LAMB1: variants seen among roughly 807,000 people sequenced by gnomAD.
LAMB1 encodes the protein laminin subunit beta-1.
A neutral mutation model predicts 222.3 loss-of-function variants in LAMB1; 121 were observed. The observed-to-expected ratio is 0.54, with a 90% CI of 0.47 to 0.63. The LOEUF (loss-of-function observed/expected upper bound fraction) is 0.63. LAMB1 is among the 30% of genes least tolerant of loss of function. The pLI, the probability that LAMB1 is intolerant of heterozygous loss-of-function variation, is 0.00. For synonymous variants in LAMB1, 794 were observed against 807.2 expected, an observed-to-expected ratio of 0.98 and a Z score of 0.28; for missense variants, 2,172 against 2,240.8, an observed-to-expected ratio of 0.97 and a Z score of 0.62.
chr7:107,932,401 A>G lies in LAMB1; in HGVS notation c.4189-24T>C, dbSNP rs372692719. 13 of 1,611,866 alleles carry G rather than the reference A, an allele frequency of 8.1e-6. No individual in the cohort carries two copies. In the African/African-American group the frequency reaches 1.5e-4, roughly 18 times the overall value. On this transcript the variant is annotated intron_variant, in intron 27 of 33. Transcript: ENST00000222399. The stretch of plus-strand genomic sequence containing the variant: ...GTCTGCAACAAGCCAAGGATCAGGC[A>G]CAATACTTCGGATAGTGAATCTGCT...
chr7:108,002,993 GA>G, intron 1 of LAMB1, 22 bp from the exon 2 acceptor site: 3 of 1,563,016 alleles, frequency 1.9e-6, no homozygotes. Flanking sequence ...GAAAGGAGGG[GA>G]AAAAAGGCAA....
Position 107,969,465 on chromosome 7 carries a change from C to T in LAMB1, c.1562+3527G>A, listed in dbSNP as rs185229942. Among the ~76,000 whole-genome samples, 181 of 152,226 alleles carry T rather than the reference C, an allele frequency of 1.2e-3. 1 individual carries two copies. Among genetic ancestry groups the T allele is most frequent in the African/African-American group, 4.2e-3 (176 of 41,526 alleles). The stretch of plus-strand genomic sequence containing the variant: ...TTCATAATAACCAACCACAGTGTTC[C>T]GTCAGCACCATTCATTTTCTCAGGG... On this transcript the variant is annotated intron_variant, in intron 13 of 33. Transcript: ENST00000222399.
rs147622101 is a variant in LAMB1 at position 107,976,096 on chromosome 7, A to G, written c.1001-219T>C. On this transcript the variant is annotated intron_variant, in intron 9 of 33. Transcript: ENST00000222399. ...CAAAAATGTGAACTTTATAAAATAA[A>G]CAGTTATCTGACCTCTGTGGAAGAG... 3.7e-3 allele frequency among the ~76,000 whole-genome samples: 558 copies of G among 152,256 alleles called. 6 individuals are homozygous for G. Among genetic ancestry groups the G allele is most frequent in the African/African-American group, 0.012 (515 of 41,558 alleles).
At chr7:107,932,637 T>C in intron 27 of LAMB1, 1 of 520,258 alleles carries the variant, frequency 1.9e-6, no homozygotes. Context: ...CTATATGAGC[T>C]CTGCCCAGGA....
In LAMB1 at chr7:107,955,450, G is replaced by C. The variant is rs749572711; in HGVS notation, c.2854+17C>G. The C allele has an allele frequency of 9.4e-6, 15 of 1,595,956 alleles. No homozygotes were observed. The East Asian group carries it at 3.4e-4, about 36-fold the overall frequency. Reference sequence around the variant, plus strand: ...TTTTTCTCTCTCTTTGCCTCCCAAAGTATGCACACGACTTACCAATGTATC... The same window carrying C: ...TTTTTCTCTCTCTTTGCCTCCCAAACTATGCACACGACTTACCAATGTATC... On this transcript the variant is annotated intron_variant, in intron 21 of 33. Coordinates refer to ENST00000222399, the MANE Select transcript of LAMB1 (RefSeq NM_002291.3).
intron 5 of LAMB1, among the ~76,000 whole-genome samples, chr7:107,989,005 G>C (rs1264334030): frequency 2.0e-5 from 3 of 152,184 alleles, no homozygotes; most frequent in Non-Finnish European, 4.4e-5. Flanking sequence ...TTGAGGCTCG[G>C]AGACACTGAC....
intron 5 of LAMB1, among the ~76,000 whole-genome samples, chr7:107,991,901 G>A (rs1273137486): frequency 8.4e-5 from 7 of 83,510 alleles, no homozygotes; most frequent in Admixed American, 7.2e-4. Flanking sequence ...GCGAGACTTC[G>A]TCTCAAAAAA....
chr7:107,990,183 C>T lies in LAMB1; in HGVS notation c.424-3820G>A, dbSNP rs1358639996. Among the ~76,000 whole-genome samples, 3 of 152,032 alleles carry T rather than the reference C, an allele frequency of 2.0e-5. No individual in the cohort carries two copies. The East Asian group carries it at 5.8e-4, about 29-fold the overall frequency. ...CCTCCTGAGTAGCTGGGACTACAGG[C>T]GTGTGCCACCATGCCTGGCTAATTT... On this transcript the variant is annotated intron_variant, in intron 5 of 33. Coordinates refer to ENST00000222399, the MANE Select transcript of LAMB1 (RefSeq NM_002291.3).
At position 107,965,410 on chromosome 7, in the gene LAMB1, T is replaced by C. The variant is rs536911700; in HGVS notation, c.1563-723A>G. On this transcript the variant is annotated intron_variant, in intron 13 of 33. Transcript: ENST00000222399. ...GCCTCACCAACATGGAGAAACCCCA[T>C]CTCTACTAAAAATACAAAATTAGCT... Among the ~76,000 whole-genome samples the C allele has an allele frequency of 2.5e-3, 378 of 152,148 alleles. 3 individuals are homozygous for C. The highest frequency in any genetic ancestry group is 4.7e-3 in the Non-Finnish European group (318 of 67,986).
intron 8 of LAMB1, 41 bp downstream of exon 8, chr7:107,980,568 C>A: frequency 6.7e-7 from 1 of 1,503,380 alleles, no homozygotes; most frequent in Non-Finnish European, 9.2e-7. Flanking sequence ...ATTTTATTAC[C>A]AGCCACATAA....
chr7:107,952,289 C>T (rs1584500874), intron 22 of LAMB1, 66 bp from the exon 23 acceptor site: 2 of 1,215,892 alleles, frequency 1.6e-6, no homozygotes, highest in Non-Finnish European at 2.3e-6. Flanking sequence ...GGATGTTAGC[C>T]ACATCTAAAT....
At position 107,969,287 on chromosome 7, in the gene LAMB1, C is replaced by CAA. The variant is rs367658684; in HGVS notation, c.1562+3703_1562+3704dup. Reference sequence around the variant, plus strand: ...TGGGCGACAGAGCGAGACTCCGTCTCAAAAAAAAAAAAAAAAAATCATAAA... The same window carrying CAA: ...TGGGCGACAGAGCGAGACTCCGTCTCAAAAAAAAAAAAAAAAAAAATCATAAA... On this transcript the variant is annotated intron_variant, in intron 13 of 33. Coordinates refer to ENST00000222399, the MANE Select transcript of LAMB1 (RefSeq NM_002291.3). Among the ~76,000 whole-genome samples, 457 of 85,858 alleles carry CAA rather than the reference C, an allele frequency of 5.3e-3. 3 individuals are homozygous for CAA. Among genetic ancestry groups the CAA allele is most frequent in the Non-Finnish European group, 7.5e-3 (274 of 36,672 alleles). 56.3% of individuals were successfully genotyped at this position (85,858 alleles called of 152,430 possible).
rs920763807 is a variant in LAMB1 at position 107,933,966 on chromosome 7, G to C, written c.4188+1449C>G. Among the ~76,000 whole-genome samples the C allele has an allele frequency of 2.0e-5, 3 of 151,850 alleles. 1 individual carries two copies. Among genetic ancestry groups the C allele is most frequent in the South Asian group, 2.1e-4 (1 of 4,798 alleles). ...TTAGCTGTTTCTTGTAGGTCACACAGAACTTGTTTGTGATAACTGATTTTT... is the reference window on the plus strand; with the variant it reads ...TTAGCTGTTTCTTGTAGGTCACACACAACTTGTTTGTGATAACTGATTTTT... On this transcript the variant is annotated intron_variant, in intron 27 of 33. Coordinates refer to ENST00000222399, the MANE Select transcript of LAMB1 (RefSeq NM_002291.3).
chr7:108,002,255 T>C (rs1428232743), intron 2 of LAMB1: 1 of 1,318,770 alleles, frequency 7.6e-7, no homozygotes, highest in Admixed American at 2.3e-5. Flanking sequence ...GGCGCTTCGC[T>C]GGGGACGAGG....
At position 107,977,014 on chromosome 7, in the gene LAMB1, T is replaced by TCTCCTTCCTTCCTTTCCTCTCC. The variant is rs1401805198; in HGVS notation, c.1000+1011_1000+1032dup. Among the ~76,000 whole-genome samples, 77 of 24,026 alleles carry TCTCCTTCCTTCCTTTCCTCTCC rather than the reference T, an allele frequency of 3.2e-3. 2 individuals are homozygous for TCTCCTTCCTTCCTTTCCTCTCC. The highest frequency in any genetic ancestry group is 0.015 in the Middle Eastern group (1 of 68). 15.8% of individuals were successfully genotyped at this position (24,026 alleles called of 152,430 possible). On this transcript the variant is annotated intron_variant, in intron 9 of 33. Transcript: ENST00000222399. ...CTTCCTCCTTCCTTCCTTTCCTCTCTCTCCTTCCTTCCTTTCCTCTCCCTC... is the reference window on the plus strand; with the variant it reads ...CTTCCTCCTTCCTTCCTTTCCTCTCTCTCCTTCCTTCCTTTCCTCTCCCTCCTTCCTTCCTTTCCTCTCCCTC...
Position 107,932,377 on chromosome 7 carries a change from T to C in LAMB1, c.4189A>G (p.Thr1397Ala), listed in dbSNP as rs148726981. 2.5e-5 allele frequency: 41 copies of C among 1,613,942 alleles called. No individual in the cohort carries two copies. In the African/African-American group the frequency reaches 3.7e-4, roughly 15 times the overall value. ...SLDLSAAAEMTCGTPPGASCS... is the reference protein window; with the variant it reads ...SLDLSAAAEMACGTPPGASCS... Reference sequence around the variant, plus strand: ...GAGGCCCCTGGGGGTGTTCCACAGGTCTGCAACAAGCCAAGGATCAGGCAC... The same window carrying C: ...GAGGCCCCTGGGGGTGTTCCACAGGCCTGCAACAAGCCAAGGATCAGGCAC... The change falls in exon 28 of 34, where the codon ACC becomes GCC. Residue 1397 changes from threonine to alanine, a missense_variant and splice_region_variant. Thr to Ala is a moderately conservative substitution (Grantham distance 58). Coordinates refer to ENST00000222399, the MANE Select transcript of LAMB1 (RefSeq NM_002291.3).
At chr7:107,999,879 A>G (rs1357722130) in intron 3 of LAMB1, 3 of 151,720 alleles carry the variant, frequency 2.0e-5, no homozygotes, top group Non-Finnish European at 4.4e-5. Flanking sequence ...CACACTCAGG[A>G]GAGACCGCTG....
At position 107,935,502 on chromosome 7, in the gene LAMB1, G is replaced by A. The variant is rs757907703; in HGVS notation, c.4101C>T (p.Phe1367=). ...GAGCCTGCTCCTCTTGTTTTTCCTTGAACTGGGATTCTCGCTCCATCATCA... is the reference window on the plus strand; with the variant it reads ...GAGCCTGCTCCTCTTGTTTTTCCTTAAACTGGGATTCTCGCTCCATCATCA... The part of the protein sequence containing the change: ...EDVMMERESQ[F]KEKQEEQARL... The change falls in exon 27 of 34, where the codon TTC becomes TTT. Residue 1367 remains phenylalanine, a synonymous_variant. Transcript: ENST00000222399. The A allele has an allele frequency of 9.3e-6, 15 of 1,613,532 alleles. No individual in the cohort carries two copies. The highest frequency in any genetic ancestry group is 1.1e-5 in the Non-Finnish European group (13 of 1,179,926).
intron 4 of LAMB1, among the ~76,000 whole-genome samples, chr7:107,996,046 A>T (rs767579629): frequency 2.6e-5 from 4 of 152,196 alleles, no homozygotes; most frequent in African/African-American, 4.8e-5. Context: ...TACCTAACTT[A>T]TCAAAAAGAA....
Sources: allele counts gnomAD v4.1 joint callset (sites outside exome capture counted in the v4.1 genomes callset), GRCh38; gene constraint gnomAD v4.1.1; transcripts MANE v1.5; gene names NCBI Gene and HGNC (gene_info 2026-07-23, HGNC 2026-07-21).